The following ADAMTS6 variants were observed in gnomAD, a reference collection of about 807,000 sequenced individuals.
ADAMTS6 encodes the protein ADAM metallopeptidase with thrombospondin type 1 motif 6.
A neutral mutation model predicts 144.3 loss-of-function variants in ADAMTS6; 23 were observed. The observed-to-expected ratio is 0.16, with a 90% CI of 0.11 to 0.23. The LOEUF (loss-of-function observed/expected upper bound fraction) is 0.23. Ranked by LOEUF, ADAMTS6 falls within the 10% of genes least tolerant of loss-of-function variation. ADAMTS6 has a pLI of 1.00. For synonymous variants in ADAMTS6, 444 were observed against 457.5 expected (o/e 0.97, Z 0.38); for missense variants, 999 against 1,379.6 (o/e 0.72, Z 4.37).
At chr5:65,283,988 A>G (rs1468045893) in intron 11 of ADAMTS6, among the ~76,000 whole-genome samples, 2 of 152,024 alleles carry the variant, frequency 1.3e-5, no homozygotes, top group Non-Finnish European at 2.9e-5. Flanking sequence ...TCATTCCCTT[A>G]TATGTACTTC....
chr5:65,369,912 T>C (rs1423099821), intron 7 of ADAMTS6, among the ~76,000 whole-genome samples: 2 of 152,128 alleles, frequency 1.3e-5, no homozygotes, highest in Non-Finnish European at 2.9e-5. Context: ...TCACAGCTGA[T>C]AATAGAACTA....
In ADAMTS6 at chr5:65,392,457, C is replaced by T. The variant is rs983121318; in HGVS notation, c.1074-58372G>A. Among the ~76,000 whole-genome samples the T allele has an allele frequency of 2.6e-5, 4 of 152,136 alleles. No homozygotes were observed. In the East Asian group the frequency reaches 7.7e-4, roughly 29 times the overall value. ...TCAGTATTTTACTATAAAGAGGAACCTCTCTTCCTCATCTATTTATAGGCC... is the reference window on the plus strand; with the variant it reads ...TCAGTATTTTACTATAAAGAGGAACTTCTCTTCCTCATCTATTTATAGGCC... On this transcript the variant is annotated intron_variant, in intron 7 of 24. Transcript: ENST00000381055.
At chr5:65,374,954 C>T (rs1561478239) in intron 7 of ADAMTS6, among the ~76,000 whole-genome samples, 1 of 152,086 alleles carries the variant, frequency 6.6e-6, no homozygotes, top group Non-Finnish European at 1.5e-5. Context: ...GAAATAATGC[C>T]ACATATCTAC....
At chr5:65,198,931 A>T (rs1387870664) in intron 20 of ADAMTS6, among the ~76,000 whole-genome samples, 1 of 152,156 alleles carries the variant, frequency 6.6e-6, no homozygotes, top group Non-Finnish European at 1.5e-5. Context: ...CATGATATTC[A>T]TCGGATATCT....
chr5:65,195,771 T>C (rs1755304849), intron 21 of ADAMTS6, among the ~76,000 whole-genome samples: 1 of 152,248 alleles, frequency 6.6e-6, no homozygotes, highest in Admixed American at 6.5e-5. Flanking sequence ...TTATTCTCTT[T>C]TGCCTTATCA....
Position 65,373,373 on chromosome 5 carries a change from A to T in ADAMTS6, c.1074-39288T>A, listed in dbSNP as rs535453763. Among the ~76,000 whole-genome samples the T allele has an allele frequency of 1.5e-3, 235 of 151,730 alleles. 1 individual carries two copies. The highest frequency in any genetic ancestry group is 5.6e-3 in the African/African-American group (230 of 41,272). On this transcript the variant is annotated intron_variant, in intron 7 of 24. Transcript: ENST00000381055. ...GATAAACAGCTAGCAAGACTAATAA[A>T]GAAAAAAAGAGAGAAGAATCAAATA... is the stretch of plus-strand genomic sequence containing the variant.
intron 15 of ADAMTS6, among the ~76,000 whole-genome samples, chr5:65,232,464 A>ACTAGGAGAGAAAGAGAAAAGC (rs1758325723): frequency 1.3e-5 from 2 of 152,100 alleles, no homozygotes; most frequent in South Asian, 4.1e-4. Flanking sequence ...CTTTAGCTAT[A>ACTAGGAGAGAAAGAGAAAAGC]CTAGGAGAGA....
chr5:65,293,974 T>C (rs1742577150), intron 10 of ADAMTS6, among the ~76,000 whole-genome samples: 1 of 152,138 alleles, frequency 6.6e-6, no homozygotes, highest in African/African-American at 2.4e-5. Context: ...TTTAGAAACA[T>C]GGAATAAACA....
chr5:65,375,529 A>C (rs1302603017), intron 7 of ADAMTS6, among the ~76,000 whole-genome samples: 3 of 152,136 alleles, frequency 2.0e-5, no homozygotes, highest in African/African-American at 7.3e-5. Context: ...ATCACTGGCC[A>C]TCAGAGAAAT....
chr5:65,337,740 G>C (rs1747440525), intron 7 of ADAMTS6, among the ~76,000 whole-genome samples: 1 of 151,622 alleles, frequency 6.6e-6, no homozygotes, highest in South Asian at 2.1e-4. Flanking sequence ...TTTTTACTTT[G>C]CATCATATTC....
intron 7 of ADAMTS6, among the ~76,000 whole-genome samples, chr5:65,425,270 C>T (rs565521760): frequency 8.5e-5 from 13 of 152,244 alleles, no homozygotes; most frequent in Admixed American, 3.3e-4. Context: ...TCAGGTGATC[C>T]GCCAGCCTCA....
At chr5:65,294,533 G>A (rs1442154840) in intron 10 of ADAMTS6, among the ~76,000 whole-genome samples, 1 of 152,152 alleles carries the variant, frequency 6.6e-6, no homozygotes, top group Non-Finnish European at 1.5e-5. Context: ...TTAACTAAGG[G>A]TTAAGCAAGA....
intron 9 of ADAMTS6, among the ~76,000 whole-genome samples, chr5:65,313,783 G>A (rs879692395): frequency 2.2e-4 from 34 of 151,986 alleles, no homozygotes; most frequent in Non-Finnish European, 2.1e-4. Flanking sequence ...AGAAAAAACT[G>A]AGTCCATTTG....
chr5:65,440,701 T>C (rs1306574734), intron 7 of ADAMTS6, among the ~76,000 whole-genome samples: 1 of 152,114 alleles, frequency 6.6e-6, no homozygotes, highest in Non-Finnish European at 1.5e-5. Context: ...GCCTAGCACT[T>C]ACACAACATT....
At chr5:65,404,513 T>C (rs1193302993) in intron 7 of ADAMTS6, among the ~76,000 whole-genome samples, 2 of 152,252 alleles carry the variant, frequency 1.3e-5, no homozygotes, top group Non-Finnish European at 2.9e-5. Flanking sequence ...CCATGGTGTG[T>C]ATGTGCCACA....
intron 9 of ADAMTS6, among the ~76,000 whole-genome samples, chr5:65,323,568 C>T (rs1486085429): frequency 5.9e-5 from 9 of 152,062 alleles, no homozygotes; most frequent in Admixed American, 5.3e-4. Context: ...AATAATGCCG[C>T]TATAAACATA....
intron 7 of ADAMTS6, among the ~76,000 whole-genome samples, chr5:65,427,886 CT>C: frequency 6.6e-6 from 1 of 151,094 alleles, no homozygotes; most frequent in Middle Eastern, 3.4e-3. Context: ...AGAAAAAAAG[CT>C]AAGTTTGGAA....
intron 7 of ADAMTS6, among the ~76,000 whole-genome samples, chr5:65,346,609 T>G (rs1342524769): frequency 2.0e-5 from 3 of 151,316 alleles, no homozygotes; most frequent in Non-Finnish European, 3.0e-5. Flanking sequence ...GTCAACATAG[T>G]ACTGGAAGTC....
At chr5:65,480,330 T>G (rs1761116831) in intron 1 of ADAMTS6, among the ~76,000 whole-genome samples, 1 of 140,016 alleles carries the variant, frequency 7.1e-6, no homozygotes. Context: ...GCCCCCACCA[T>G]TCCACTTCGC....
Sources: allele counts gnomAD v4.1 joint callset (sites outside exome capture counted in the v4.1 genomes callset), GRCh38; gene constraint gnomAD v4.1.1; transcripts MANE v1.5; gene names NCBI Gene and HGNC (gene_info 2026-07-23, HGNC 2026-07-21).